CFAP43: variants seen among roughly 807,000 people sequenced by gnomAD.
The protein encoded by CFAP43 is cilia and flagella associated protein 43, also known as cilia- and flagella-associated protein 43.
Under a neutral mutation model 218.9 loss-of-function variants are expected in CFAP43, and 155 were observed. The ratio of observed to expected loss-of-function variants is 0.71; its 90% CI spans 0.62 to 0.81. The LOEUF (loss-of-function observed/expected upper bound fraction) is 0.81. Ranked by LOEUF, CFAP43 falls within the 30% of genes least tolerant of loss-of-function variation. CFAP43 has a pLI of 0.00. For synonymous variants in CFAP43, 645 were observed against 681.3 expected (o/e 0.95, Z 0.83); for missense variants, 1,778 against 1,954.3 (o/e 0.91, Z 1.70).
chr10:104,160,914 G>T, intron 27 of CFAP43, 123 bp downstream of exon 27: 1 of 974,696 alleles, frequency 1.0e-6, no homozygotes, highest in Non-Finnish European at 1.4e-6. Context: ...ATTCTCTTGA[G>T]AATTTAAGCT....
intron 28 of CFAP43, 67 bp from the exon 29 acceptor site, chr10:104,148,065 T>G: frequency 1.0e-6 from 1 of 999,586 alleles, no homozygotes; most frequent in Middle Eastern, 2.8e-4. Flanking sequence ...TTCTATAGAC[T>G]TGGCACTAAT....
chr10:104,185,857 AAT>A (rs2090011545), intron 15 of CFAP43, 115 bp downstream of exon 15: 1 of 795,824 alleles, frequency 1.3e-6, no homozygotes, highest in South Asian at 2.2e-5. Flanking sequence ...TAGTACCTTC[AAT>A]ATCTTTTCAG....
intron 1 of CFAP43, among the ~76,000 whole-genome samples, chr10:104,231,774 CTT>C (rs2091454087): frequency 6.6e-6 from 1 of 152,184 alleles, no homozygotes; most frequent in African/African-American, 2.4e-5. Flanking sequence ...AGGGACCTAA[CTT>C]TGGGGAAAAT....
Position 104,193,982 on chromosome 10 carries a change from G to T in CFAP43, c.1326C>A (p.Leu442=). ...ATVLACCPSS[L]SAAVGTEDGS... ...CATCCTCCGTGCCCACGGCTGCAGA[G>T]AGGGAGGATGGACAGCAAGCCAGAA... is the stretch of plus-strand genomic sequence containing the variant. Residue 442 remains leucine (L), a synonymous_variant, in exon 11 of 38, where the codon CTC becomes CTA. Coordinates refer to ENST00000357060, the MANE Select transcript of CFAP43 (RefSeq NM_025145.7). 1 of 1,613,980 alleles carries T rather than the reference G, an allele frequency of 6.2e-7. No individual in the cohort carries two copies. Among genetic ancestry groups the T allele is most frequent in the South Asian group, 1.1e-5 (1 of 91,080 alleles).
intron 19 of CFAP43, among the ~76,000 whole-genome samples, chr10:104,174,003 A>G (rs1051964511): frequency 3.9e-5 from 6 of 152,232 alleles, no homozygotes; most frequent in Non-Finnish European, 8.8e-5. Context: ...CATAAAAAGA[A>G]TCATAAGACT....
intron 27 of CFAP43, 37 bp downstream of exon 27, chr10:104,161,000 G>A: frequency 6.4e-7 from 1 of 1,565,136 alleles, no homozygotes; most frequent in Non-Finnish European, 8.7e-7. Flanking sequence ...CAGCACTCTG[G>A]ATATGGTAGG....
rs1300636953 is a variant in CFAP43, at chr10:104,217,509, A to G, written c.417-3083T>C. Among the ~76,000 whole-genome samples, 6 of 152,178 alleles carry G rather than the reference A, an allele frequency of 3.9e-5. No individual in the cohort carries two copies. In the East Asian group the frequency reaches 1.2e-3, roughly 29 times the overall value. The stretch of plus-strand genomic sequence containing the variant: ...ACTGAATTTTCTCTACAGCACTCGC[A>G]TGCTACATAGGACCCACTCCGGCAC... On this transcript the variant is annotated intron_variant, in intron 3 of 37. Transcript: ENST00000357060.
intron 4 of CFAP43, among the ~76,000 whole-genome samples, chr10:104,213,454 A>C (rs2090922439): frequency 6.6e-6 from 1 of 152,190 alleles, no homozygotes; most frequent in Non-Finnish European, 1.5e-5. Context: ...TCTTTGACCC[A>C]GTTCTATTTA....
chr10:104,215,208 T>A (rs895175285), intron 3 of CFAP43, among the ~76,000 whole-genome samples: 8 of 152,168 alleles, frequency 5.3e-5, no homozygotes, highest in African/African-American at 1.7e-4. Flanking sequence ...GATTTATTCA[T>A]TTACCCATTT....
chr10:104,198,572 C>T (rs763070832), intron 8 of CFAP43, among the ~76,000 whole-genome samples: 2 of 152,108 alleles, frequency 1.3e-5, no homozygotes, highest in East Asian at 3.9e-4. Context: ...TAAGCCACTG[C>T]GCCTGGCCTC....
At chr10:104,209,435 T>A (rs1193539448) in intron 5 of CFAP43, among the ~76,000 whole-genome samples, 3 of 152,152 alleles carry the variant, frequency 2.0e-5, no homozygotes, top group Non-Finnish European at 4.4e-5. Context: ...TATATCCACA[T>A]AGCAAAACTG....
At chr10:104,145,417 C>T in intron 31 of CFAP43, 59 bp downstream of exon 31, 1 of 1,131,384 alleles carries the variant, frequency 8.8e-7, no homozygotes, top group Non-Finnish European at 1.3e-6. Context: ...AATCTAGTAA[C>T]ACTCCTCTTT....
rs756314098 is a variant in CFAP43 at position 104,143,440 on chromosome 10, C to T, written c.4144G>A (p.Glu1382Lys). The T allele has an allele frequency of 5.0e-6, 8 of 1,613,750 alleles. No homozygotes were observed. The Admixed American group carries it at 1.0e-4, about 20-fold the overall frequency. Residue 1382 changes from glutamate to lysine, a missense_variant, in exon 32 of 38, where the codon GAA (glutamate) becomes AAA (lysine). Glu to Lys is a moderately conservative substitution (Grantham distance 56, BLOSUM62 1). This residue lies in a region of CFAP43 where 1,553 missense variants were observed against 1,685.2 expected (regional missense o/e 0.92). Coordinates refer to ENST00000357060, the MANE Select transcript of CFAP43 (RefSeq NM_025145.7). Reference protein sequence around the residue: ...HFCMTRRAKVENEQKVKQKAA... With the variant: ...HFCMTRRAKVKNEQKVKQKAA... ...ATAGTATATACTTTCTGTTCATTTT[C>T]CACTTTTGCTCGTCTTGTCATGCAG... is the stretch of plus-strand genomic sequence containing the variant.
intron 7 of CFAP43, among the ~76,000 whole-genome samples, chr10:104,204,855 C>T (rs1306199726): frequency 6.6e-6 from 1 of 152,152 alleles, no homozygotes; most frequent in African/African-American, 2.4e-5. Context: ...TACAACTAGA[C>T]CTATGTTTTA....
In CFAP43 at chr10:104,161,130, A is replaced by G; in HGVS notation, c.3447T>C (p.Pro1149=). ...VIPQPAFMAK[P]DAVWTEEERK... is the part of the protein sequence containing the mutation. ...TTTCTTCTTCAGTCCACACAGCATC[A>G]GGTTTTGCCATGAAAGCAGGTTGAG... Residue 1149 remains proline (P), a synonymous_variant, in exon 27 of 38, where the codon CCT becomes CCC. Coordinates refer to ENST00000357060, the MANE Select transcript of CFAP43 (RefSeq NM_025145.7). The G allele has an allele frequency of 2.5e-6, 4 of 1,613,800 alleles. No individual in the cohort carries two copies. Among genetic ancestry groups the G allele is most frequent in the Non-Finnish European group, 3.4e-6 (4 of 1,179,856 alleles).
intron 12 of CFAP43, among the ~76,000 whole-genome samples, chr10:104,191,181 G>T (rs1365817555): frequency 6.6e-6 from 1 of 152,122 alleles, no homozygotes; most frequent in Non-Finnish European, 1.5e-5. Context: ...TAAAAACGAA[G>T]TCAAATCATG....
chr10:104,165,385 C>A (rs2089101260), intron 23 of CFAP43, among the ~76,000 whole-genome samples: 1 of 152,168 alleles, frequency 6.6e-6, no homozygotes, highest in Non-Finnish European at 1.5e-5. Flanking sequence ...TAATTAAAAG[C>A]AGCAAGAAGG....
At position 104,231,712 on chromosome 10, in the gene CFAP43, T is replaced by C. The variant is rs530369672; in HGVS notation, c.65+470A>G. 2.6e-5 allele frequency among the ~76,000 whole-genome samples: 4 copies of C among 152,130 alleles called. No individual in the cohort carries two copies. The East Asian group carries it at 7.7e-4, about 29-fold the overall frequency. On this transcript the variant is annotated intron_variant, in intron 1 of 37. Coordinates refer to ENST00000357060, the MANE Select transcript of CFAP43 (RefSeq NM_025145.7). ...GCTTGATGCTTTTCAAAGGCTACTA[T>C]AAATGCAAATAAATCCAAAGCTAGT...
chr10:104,169,910 C>G (rs754993131), intron 20 of CFAP43, among the ~76,000 whole-genome samples: 7 of 152,154 alleles, frequency 4.6e-5, no homozygotes, highest in Non-Finnish European at 8.8e-5. Flanking sequence ...GTTTGATCAA[C>G]TCCTCCAAAC....
Sources: allele counts gnomAD v4.1 joint callset (sites outside exome capture counted in the v4.1 genomes callset), GRCh38; gene constraint gnomAD v4.1.1; regional missense constraint gnomAD v4.1.1; transcripts MANE v1.5; gene names NCBI Gene and HGNC (gene_info 2026-07-23, HGNC 2026-07-21).